Variants in FBXO16 observed in about 807,000 individuals in gnomAD.
The protein encoded by FBXO16 is F-box only protein 16.
A neutral mutation model predicts 41.0 loss-of-function variants in FBXO16; 31 were observed. That is an observed-to-expected ratio of 0.76 (90% CI 0.57 to 1.02). FBXO16 has a LOEUF of 1.02. FBXO16 is among the 50% of genes least tolerant of loss of function. FBXO16 has a pLI of 0.00. For missense variants in FBXO16, 361 were observed against 346.2 expected, an observed-to-expected ratio of 1.04 and a Z score of -0.34; for synonymous variants, 133 against 117.8, an observed-to-expected ratio of 1.13 and a Z score of -0.84.
intron 7 of FBXO16, among the ~76,000 whole-genome samples, chr8:28,439,245 G>A (rs978727880): frequency 1.8e-4 from 28 of 152,156 alleles, no homozygotes; most frequent in African/African-American, 6.3e-4. Context: ...CTGAGGCCTA[G>A]AGAGGTTAAG....
In FBXO16 at chr8:28,456,771, G is replaced by C. The variant is rs370950711; in HGVS notation, c.502C>G (p.Pro168Ala). ...GCTTTCTGTCTAAAATTCACCTTAG[G>C]CTTGGTAATATGAAGTTCTTTCACC... ...QMVKELHITK[P>A]KTPPKDGFVI... Residue 168 changes from proline to alanine, a missense_variant, in exon 5 of 9, where the codon CCT (proline) becomes GCT (alanine). Pro to Ala is a conservative substitution (Grantham distance 27). Transcript: ENST00000380254. 8.1e-6 allele frequency: 13 copies of C among 1,613,710 alleles called. No individual in the cohort carries two copies. In the African/African-American group the frequency reaches 1.6e-4, roughly 20 times the overall value.
chr8:28,463,507 T>C lies in FBXO16; in HGVS notation c.342+105A>G, dbSNP rs371926777. On this transcript the variant is annotated intron_variant, in intron 4 of 8. Transcript: ENST00000380254. The stretch of plus-strand genomic sequence containing the variant: ...GTGTGTTTGTGTGTATGTGTATATA[T>C]GTGTGTGTGTGTATGCCTGTGTTTC... 2.6e-5 allele frequency: 26 copies of C among 994,096 alleles called. No individual in the cohort carries two copies. The East Asian group carries it at 3.9e-4, about 15-fold the overall frequency. The allele number at this position is 994,096 out of a possible 1,614,324, so 61.6% of individuals were successfully genotyped here. A position where few individuals can be genotyped will look rare whatever the true frequency, so the allele number is the denominator to read the frequency against.
At chr8:28,453,470 C>A (rs1289131160) in intron 5 of FBXO16, among the ~76,000 whole-genome samples, 10 of 151,930 alleles carry the variant, frequency 6.6e-5, no homozygotes, top group Non-Finnish European at 1.5e-5. Context: ...GAATACTTTG[C>A]TTTAATCTCC....
intron 7 of FBXO16, among the ~76,000 whole-genome samples, chr8:28,436,180 G>C (rs1037210460): frequency 6.6e-6 from 1 of 152,134 alleles, no homozygotes; most frequent in Non-Finnish European, 1.5e-5. Context: ...GCTTCATCCG[G>C]TTGATAGGAT....
intron 7 of FBXO16, among the ~76,000 whole-genome samples, chr8:28,432,615 C>T (rs750984234): frequency 2.6e-5 from 4 of 152,194 alleles, no homozygotes; most frequent in African/African-American, 4.8e-5. Flanking sequence ...CCATTTTCAA[C>T]GTTTGCTTTC....
At chr8:28,473,891 G>C in intron 2 of FBXO16, 84 bp from the exon 3 acceptor site, 3 of 1,006,076 alleles carry the variant, frequency 3.0e-6, no homozygotes, top group Non-Finnish European at 4.5e-6. Flanking sequence ...TTAAGGGATC[G>C]GTGAATAAAC....
At chr8:28,471,439 CTTCCTCTCTCTT>C (rs1803333039) in intron 3 of FBXO16, among the ~76,000 whole-genome samples, 1 of 145,040 alleles carries the variant, frequency 6.9e-6, no homozygotes, top group African/African-American at 2.9e-5. Context: ...TCCCTCCTTC[CTTCCTCTCTCTT>C]TCTTTCTTTC....
At chr8:28,445,280 C>T (rs1802846464) in intron 7 of FBXO16, among the ~76,000 whole-genome samples, 1 of 152,108 alleles carries the variant, frequency 6.6e-6, no homozygotes, top group Non-Finnish European at 1.5e-5. Context: ...GCTTAATTAG[C>T]GCAACTTTTT....
intron 4 of FBXO16, among the ~76,000 whole-genome samples, chr8:28,460,176 T>C (rs1345962920): frequency 6.7e-6 from 1 of 148,518 alleles, no homozygotes; most frequent in Non-Finnish European, 1.5e-5. Context: ...GTTTCTGGTA[T>C]ATAATTCCAG....
rs1254435290 is a variant in FBXO16, at chr8:28,473,775, T to C, written c.132A>G (p.Lys44=). The C allele has an allele frequency of 6.2e-7, 1 of 1,602,382 alleles. No individual in the cohort carries two copies. The highest frequency in any genetic ancestry group is 8.5e-7 in the Non-Finnish European group (1 of 1,172,368). The part of the protein sequence containing the change: ...VFEERRALLG[K]WFDKWTDSQR... ...AATAGTATTTTTAAATGTTTACCCA[T>C]TTGCCAAGCAGGGCTCTTCTTTCTT... The change falls in exon 3 of 9, where the codon AAA becomes AAG. Residue 44 remains lysine, a synonymous_variant. Transcript: ENST00000380254.
rs1216350850 is a variant in FBXO16, at chr8:28,486,162, C to T, written c.-16-2700G>A. On this transcript the variant is annotated intron_variant, in intron 1 of 8. Transcript: ENST00000380254. ...TGTAGCCACTGAGTCTAGATCTCCC[C>T]AGCTAAAAAGTGATATATCTGTTTT... 2.0e-5 allele frequency among the ~76,000 whole-genome samples: 3 copies of T among 150,934 alleles called. No individual in the cohort carries two copies. In the East Asian group the frequency reaches 5.8e-4, roughly 29 times the overall value.
chr8:28,483,640 G>A (rs1290731548), intron 1 of FBXO16, among the ~76,000 whole-genome samples, 178 bp from the exon 2 acceptor site: 2 of 152,088 alleles, frequency 1.3e-5, no homozygotes, highest in African/African-American at 2.4e-5. Flanking sequence ...CCAACATGGT[G>A]AAACCCTGTC....
intron 2 of FBXO16, among the ~76,000 whole-genome samples, chr8:28,476,321 C>T (rs1803422319): frequency 6.6e-6 from 1 of 152,158 alleles, no homozygotes; most frequent in Non-Finnish European, 1.5e-5. Flanking sequence ...CAAGTAGAAA[C>T]TGATGGGACA....
At chr8:28,449,671 C>T (rs548267874) in intron 6 of FBXO16, among the ~76,000 whole-genome samples, 26 of 151,628 alleles carry the variant, frequency 1.7e-4, no homozygotes, top group Non-Finnish European at 3.5e-4. Context: ...CTCCCTTGGC[C>T]CAATAAAGAA....
At chr8:28,429,094 G>A (rs1398573405) in intron 8 of FBXO16, among the ~76,000 whole-genome samples, 1 of 152,194 alleles carries the variant, frequency 6.6e-6, no homozygotes, top group Non-Finnish European at 1.5e-5. Context: ...GCTGGGGCTA[G>A]AGACTTGGGA....
At chr8:28,473,728 A>T in intron 3 of FBXO16, 44 bp downstream of exon 3, 1 of 1,524,038 alleles carries the variant, frequency 6.6e-7, no homozygotes. Flanking sequence ...AGATGAAAAC[A>T]GATAACATAA....
intron 7 of FBXO16, among the ~76,000 whole-genome samples, chr8:28,442,801 G>A (rs766700894): frequency 6.6e-6 from 1 of 152,188 alleles, no homozygotes; most frequent in Non-Finnish European, 1.5e-5. Context: ...ACACTTTCAA[G>A]GTGGCGGGTT....
At chr8:28,466,813 C>T (rs1412162055) in intron 3 of FBXO16, among the ~76,000 whole-genome samples, 2 of 152,052 alleles carry the variant, frequency 1.3e-5, no homozygotes, top group Non-Finnish European at 2.9e-5. Context: ...GTAGCCTCTA[C>T]GGCAGCTAGT....
chr8:28,432,498 C>CAA, intron 7 of FBXO16, among the ~76,000 whole-genome samples: 2 of 151,758 alleles, frequency 1.3e-5, no homozygotes, highest in African/African-American at 4.8e-5. Flanking sequence ...CAAAACAAAA[C>CAA]AACAACAACA....
Sources: allele counts gnomAD v4.1 joint callset (sites outside exome capture counted in the v4.1 genomes callset), GRCh38; gene constraint gnomAD v4.1.1; transcripts MANE v1.5; gene names NCBI Gene and HGNC (gene_info 2026-07-23, HGNC 2026-07-21).